Variants in AUTS2 observed in about 807,000 individuals in gnomAD.
AUTS2 encodes the protein activator of transcription and developmental regulator AUTS2, also known as autism susceptibility gene 2 protein.
AUTS2 carries 17 observed loss-of-function variants against 112.4 expected under a neutral mutation model. The ratio of observed to expected loss-of-function variants is 0.15; its 90% CI spans 0.10 to 0.23. The LOEUF (loss-of-function observed/expected upper bound fraction) is 0.23, where lower values mean the gene tolerates loss of function less well. Ranked by LOEUF, AUTS2 falls within the 10% of genes least tolerant of loss-of-function variation. The probability of loss-of-function intolerance (pLI) is 1.00; values close to 1 mark genes in which losing one functional copy is unlikely to be tolerated. For synonymous variants in AUTS2, 751 were observed against 702.7 expected (o/e 1.07, Z -1.09); for missense variants, 1,510 against 1,701.6 (o/e 0.89, Z 1.98).
chr7:70,614,785 TC>T (rs766372318), intron 5 of AUTS2, among the ~76,000 whole-genome samples: 70 of 152,036 alleles, frequency 4.6e-4, no homozygotes, highest in Non-Finnish European at 8.1e-4. Context: ...GCTTACAGCC[TC>T]CCCCCTGGGG....
At chr7:69,879,869 AG>A (rs1168584413) in intron 1 of AUTS2, among the ~76,000 whole-genome samples, 3 of 152,118 alleles carry the variant, frequency 2.0e-5, no homozygotes, top group African/African-American at 7.2e-5. Flanking sequence ...GTGTGATCAT[AG>A]GTTGCTGCAG....
intron 1 of AUTS2, among the ~76,000 whole-genome samples, chr7:69,819,586 C>G (rs1790898121): frequency 6.6e-6 from 1 of 152,154 alleles, no homozygotes; most frequent in East Asian, 1.9e-4. Flanking sequence ...ATGTTGTGCA[C>G]AGTGGATCAG....
At position 69,613,208 on chromosome 7, in the gene AUTS2, T is replaced by G. The variant is rs779181303; in HGVS notation, c.309+13246T>G. 2.0e-4 allele frequency among the ~76,000 whole-genome samples: 31 copies of G among 152,212 alleles called. 1 individual carries two copies. Among genetic ancestry groups the G allele is most frequent in the Non-Finnish European group, 3.4e-4 (23 of 68,038 alleles). Reference sequence around the variant, plus strand: ...CTCATTTTCATACAGATGCATTTTGTGAAAGATGGCCACATGGTCTCTAGT... The same window carrying G: ...CTCATTTTCATACAGATGCATTTTGGGAAAGATGGCCACATGGTCTCTAGT... On this transcript the variant is annotated intron_variant, in intron 1 of 18. Transcript: ENST00000342771.
intron 4 of AUTS2, among the ~76,000 whole-genome samples, chr7:70,153,334 G>A (rs4364526): frequency 0.08 from 12,170 of 152,162 alleles, 626 homozygotes; most frequent in African/African-American, 0.13. Flanking sequence ...GGTACATATT[G>A]TATGGTTCCA....
At chr7:70,345,707 C>A (rs146548616) in intron 4 of AUTS2, among the ~76,000 whole-genome samples, 1 of 152,302 alleles carries the variant, frequency 6.6e-6, no homozygotes, top group African/African-American at 2.4e-5. Context: ...TAGTATGCAT[C>A]ATGAGACTTG....
chr7:70,751,830 C>T (rs189828505), intron 6 of AUTS2, among the ~76,000 whole-genome samples: 78 of 152,194 alleles, frequency 5.1e-4, no homozygotes, highest in African/African-American at 1.8e-3. Context: ...AAGTGATTCT[C>T]CTGCCTCAGC....
intron 4 of AUTS2, among the ~76,000 whole-genome samples, chr7:70,360,435 C>T (rs909617462): frequency 6.6e-6 from 1 of 152,162 alleles, no homozygotes; most frequent in Admixed American, 6.5e-5. Context: ...CCACTAAGCT[C>T]GGCCTAAGCA....
At chr7:70,118,824 G>C (rs1020987326) in intron 3 of AUTS2, 3 of 152,224 alleles carry the variant, frequency 2.0e-5, no homozygotes, top group East Asian at 3.9e-4. Context: ...AAAACCTTGT[G>C]AGAATGCGTC....
intron 4 of AUTS2, among the ~76,000 whole-genome samples, chr7:70,244,774 C>T (rs568677862): frequency 6.6e-6 from 1 of 152,212 alleles, no homozygotes; most frequent in East Asian, 1.9e-4. Flanking sequence ...GGTGCTTGAT[C>T]CTTTTCTTTG....
chr7:69,604,094 T>C (rs1357554329), intron 1 of AUTS2, among the ~76,000 whole-genome samples: 1 of 152,224 alleles, frequency 6.6e-6, no homozygotes, highest in East Asian at 1.9e-4. Context: ...TGGAGCTTTA[T>C]AGGCTTATGA....
intron 4 of AUTS2, among the ~76,000 whole-genome samples, chr7:70,249,154 A>G (rs1252006120): frequency 6.6e-6 from 1 of 152,094 alleles, no homozygotes; most frequent in Non-Finnish European, 1.5e-5. Context: ...CCTTTAATGT[A>G]ATTTGTTCTT....
chr7:70,448,530 C>T (rs1237182746), intron 5 of AUTS2, among the ~76,000 whole-genome samples: 1 of 152,170 alleles, frequency 6.6e-6, no homozygotes, highest in African/African-American at 2.4e-5. Flanking sequence ...ACCTTAGTTT[C>T]TCCTCTAGCC....
In AUTS2 at chr7:70,790,384, G is replaced by A. The variant is rs376279603; in HGVS notation, c.3168G>A (p.Pro1056=). 1.7e-5 allele frequency: 28 copies of A among 1,613,812 alleles called. No individual in the cohort carries two copies. In the African/African-American group the frequency reaches 1.9e-4, roughly 11 times the overall value. Residue 1056 remains proline (P), a synonymous_variant, in exon 19 of 19, where the codon CCG becomes CCA. Coordinates refer to ENST00000342771, the MANE Select transcript of AUTS2 (RefSeq NM_015570.4). The surrounding 1 kb of genome is among the most constrained non-coding windows in gnomAD (Gnocchi z 7.6). The part of the protein sequence containing the change: ...MTPFMGISPL[P]GGERFPYPSF... ...CCTTCATGGGCATCAGCCCCCTCCC[G>A]GGCGGAGAGCGCTTCCCGTACCCTT...
intron 2 of AUTS2, among the ~76,000 whole-genome samples, chr7:70,113,677 A>C (rs1284933452): frequency 1.3e-5 from 2 of 152,234 alleles, no homozygotes. Context: ...CATAATTCGC[A>C]TCATTCCTCT....
intron 4 of AUTS2, among the ~76,000 whole-genome samples, chr7:70,331,069 A>G (rs1790722592): frequency 6.6e-6 from 1 of 152,090 alleles, no homozygotes; most frequent in Admixed American, 6.6e-5. Flanking sequence ...TTATAAAATG[A>G]GTTAGGGAGG....
At chr7:70,106,473 A>T (rs567475432) in intron 2 of AUTS2, among the ~76,000 whole-genome samples, 1 of 152,230 alleles carries the variant, frequency 6.6e-6, no homozygotes, top group Admixed American at 6.5e-5. Flanking sequence ...TAATCCCAGC[A>T]TTTTGGGAGG....
intron 5 of AUTS2, among the ~76,000 whole-genome samples, chr7:70,485,655 A>C (rs902408397): frequency 6.6e-6 from 1 of 152,024 alleles, no homozygotes; most frequent in Non-Finnish European, 1.5e-5. Context: ...CTTCAAAAAA[A>C]AAGTATCTCT....
Position 70,185,257 on chromosome 7 carries a change from C to CTTTTTTTTT in AUTS2, c.660+50705_660+50713dup, listed in dbSNP as rs35215443. 1.7e-4 allele frequency among the ~76,000 whole-genome samples: 15 copies of CTTTTTTTTT among 87,090 alleles called. 1 individual carries two copies. Among genetic ancestry groups the CTTTTTTTTT allele is most frequent in the African/African-American group, 4.6e-4 (10 of 21,890 alleles). 57.1% of individuals were successfully genotyped at this position (87,090 alleles called of 152,430 possible). On this transcript the variant is annotated intron_variant, in intron 4 of 18. Transcript: ENST00000342771. Reference sequence around the variant, plus strand: ...TGCTTTGGGCCTAAATGACATTAAACTTTTTTTTTTTTTTTTTTTTTTTTT... The same window carrying CTTTTTTTTT: ...TGCTTTGGGCCTAAATGACATTAAACTTTTTTTTTTTTTTTTTTTTTTTTTTTTTTTTTT...
rs372696006 is a variant in AUTS2, at chr7:70,444,373, T to TGTGTGTGTGTGTGTGAGAGA, written c.690+8593_690+8594insTGTGTGTGTGTGTGAGAGAG. Among the ~76,000 whole-genome samples, 164 of 142,496 alleles carry TGTGTGTGTGTGTGTGAGAGA rather than the reference T, an allele frequency of 1.2e-3. 1 individual carries two copies. Among genetic ancestry groups the TGTGTGTGTGTGTGTGAGAGA allele is most frequent in the African/African-American group, 4.2e-3 (158 of 37,212 alleles). The allele number at this position is 142,496 out of a possible 152,430, so 93.5% of individuals were successfully genotyped here. A position where few individuals can be genotyped will look rare whatever the true frequency, so the allele number is the denominator to read the frequency against. On this transcript the variant is annotated intron_variant, in intron 5 of 18. Transcript: ENST00000342771. ...GTGTGTGTGTGTGTGTGTGTGTGTG[T>TGTGTGTGTGTGTGTGAGAGA]GAGAGAGAGAGAGAGAGAGAAAGAG...
Sources: allele counts gnomAD v4.1 joint callset (sites outside exome capture counted in the v4.1 genomes callset), GRCh38; gene constraint gnomAD v4.1.1; non-coding constraint Gnocchi (gnomAD v3.1); transcripts MANE v1.5; gene names NCBI Gene and HGNC (gene_info 2026-07-23, HGNC 2026-07-21).